Variants in MROH7 observed in about 807,000 individuals in gnomAD.
The protein encoded by MROH7 is maestro heat-like repeat-containing protein family member 7.
A neutral mutation model predicts 129.2 loss-of-function variants in MROH7; 113 were observed. The observed-to-expected ratio is 0.87, with a 90% CI of 0.75 to 1.02. MROH7 has a LOEUF of 1.02. Ranked by LOEUF, MROH7 falls within the 50% of genes least tolerant of loss-of-function variation. The pLI is 0.00. For missense variants in MROH7, 1,601 were observed against 1,671.3 expected (o/e 0.96, Z 0.73); for synonymous variants, 655 against 667.9 (o/e 0.98, Z 0.30).
intron 3 of MROH7, among the ~76,000 whole-genome samples, chr1:54,655,632 G>A (rs552051748): frequency 1.3e-5 from 2 of 151,566 alleles, no homozygotes; most frequent in Non-Finnish European, 2.9e-5. Context: ...CTCCCACCTC[G>A]TCCTCCCAGA....
At chr1:54,685,995 C>T (rs1645141049) in intron 14 of MROH7, among the ~76,000 whole-genome samples, 1 of 152,158 alleles carries the variant, frequency 6.6e-6, no homozygotes, top group African/African-American at 2.4e-5. Flanking sequence ...GATTCTTCCA[C>T]CATGATTCTT....
Position 54,670,537 on chromosome 1 carries a change from C to G in MROH7, c.1430C>G (p.Ser477Cys), listed in dbSNP as rs1274484494. The change falls in exon 6 of 24, where the codon TCC becomes TGC. Residue 477 changes from serine (S) to cysteine (C), a missense_variant. Transcript: ENST00000421030. ...GAGCCACTGGATTCTCTCTCAAGCT[C>G]CGTCCGCAAGCAGGCCATGGAGATC... Reference protein sequence around the residue: ...QEEPLDSLSSSVRKQAMEILT... With the variant: ...QEEPLDSLSSCVRKQAMEILT... 5.6e-6 allele frequency: 9 copies of G among 1,613,794 alleles called. No homozygotes were observed. The East Asian group carries it at 2.0e-4, about 36-fold the overall frequency.
rs150191046 is a variant in MROH7, at chr1:54,653,117, C to T, written c.191C>T (p.Ser64Phe). The T allele has an allele frequency of 1.2e-6, 2 of 1,614,186 alleles. No individual in the cohort carries two copies. The highest frequency in any genetic ancestry group is 3.3e-5 in the Admixed American group (2 of 60,016). ...GLALVPDLNDSLSPVSGEASG... is the reference protein window; with the variant it reads ...GLALVPDLNDFLSPVSGEASG... ...GCTCTCGTTCCAGATCTTAATGATT[C>T]TTTGAGTCCAGTCTCAGGGGAGGCC... The change falls in exon 3 of 24, where the codon TCT (serine) becomes TTT (phenylalanine). Residue 64 changes from serine (S) to phenylalanine (F), a missense_variant. Coordinates refer to ENST00000421030, the MANE Select transcript of MROH7 (RefSeq NM_001039464.4).
chr1:54,670,847 A>G lies in MROH7; in HGVS notation c.1517A>G (p.Asn506Ser). 1 of 1,613,978 alleles carries G rather than the reference A, an allele frequency of 6.2e-7. No homozygotes were observed. The change falls in exon 7 of 24, where the codon AAC (asparagine) becomes AGC (serine). Residue 506 changes from asparagine (N) to serine (S), a missense_variant. By Grantham distance (46) the Asn-to-Ser change is conservative. Transcript: ENST00000421030. ...LGMRERSELV[N>S]VCVHSVFSLP... ...ATGCGGGAGAGGTCGGAGCTGGTGA[A>G]CGTGTGTGTGCACAGCGTGTTCTCC...
chr1:54,687,864 TTTTC>T (rs200701529), intron 15 of MROH7, among the ~76,000 whole-genome samples: 3 of 142,672 alleles, frequency 2.1e-5, no homozygotes, highest in East Asian at 4.4e-4. Context: ...AGTTTGCTTT[TTTTC>T]TTTCTTTTTT....
At chr1:54,699,159 T>TTTTTCTTTC (rs1645384650) in intron 17 of MROH7, 2 of 65,920 alleles carry the variant, frequency 3.0e-5, no homozygotes, top group African/African-American at 1.1e-4. Context: ...TCTTTCTTTC[T>TTTTTCTTTC]TTTCTTTCTT....
chr1:54,679,873 GC>G lies in MROH7; in HGVS notation c.2227-14del. 2 of 1,598,894 alleles carry G rather than the reference GC, an allele frequency of 1.3e-6. No individual in the cohort carries two copies. The highest frequency in any genetic ancestry group is 8.5e-7 in the Non-Finnish European group (1 of 1,174,242). ...CTTGGCAGTCCCCTTGCTCATGGCT[GC>G]CCCGGCTGTGCCCCAGATCCCAGAA... On this transcript the variant is annotated splice_polypyrimidine_tract_variant and intron_variant, in intron 12 of 23. Coordinates refer to ENST00000421030, the MANE Select transcript of MROH7 (RefSeq NM_001039464.4).
At chr1:54,697,579 A>G in intron 17 of MROH7, 1 of 638,202 alleles carries the variant, frequency 1.6e-6, no homozygotes, top group Non-Finnish European at 2.9e-6. Context: ...GGAAACTACC[A>G]TTACTTACAG....
chr1:54,656,805 T>C (rs1055208169), intron 3 of MROH7, among the ~76,000 whole-genome samples: 1 of 152,090 alleles, frequency 6.6e-6, no homozygotes, highest in South Asian at 2.1e-4. Flanking sequence ...AGCGGGACTC[T>C]GTCTCAAAAA....
intron 7 of MROH7, 85 bp from the exon 8 acceptor site, chr1:54,673,006 C>A: frequency 1.1e-6 from 1 of 904,928 alleles, no homozygotes; most frequent in Non-Finnish European, 1.8e-6. Flanking sequence ...ATTCCCCCTC[C>A]TCCCCTGACC....
chr1:54,654,488 A>C (rs538265338), intron 3 of MROH7, among the ~76,000 whole-genome samples: 1 of 152,244 alleles, frequency 6.6e-6, no homozygotes, highest in East Asian at 1.9e-4. Flanking sequence ...CCTGGCCAAC[A>C]TGGTGAAACC....
At chr1:54,661,010 CTT>C (rs34137020) in intron 3 of MROH7, among the ~76,000 whole-genome samples, 73 of 117,348 alleles carry the variant, frequency 6.2e-4, no homozygotes, top group Admixed American at 6.8e-4. Flanking sequence ...ACGTTTTGTG[CTT>C]TTTTTTTTTT....
chr1:54,653,426 A>G lies in MROH7; in HGVS notation c.500A>G (p.Asn167Ser). ...AAGATTTTCAAGTTGGGTCAGAGAAACTCCAACCCTTCTAGGCATGAATTA... is the reference window on the plus strand; with the variant it reads ...AAGATTTTCAAGTTGGGTCAGAGAAGCTCCAACCCTTCTAGGCATGAATTA... ...SSKIFKLGQRNSNPSRHELNP... is the reference protein window; with the variant it reads ...SSKIFKLGQRSSNPSRHELNP... Residue 167 changes from asparagine to serine, a missense_variant, in exon 3 of 24, where the codon AAC becomes AGC. Coordinates refer to ENST00000421030, the MANE Select transcript of MROH7 (RefSeq NM_001039464.4). The G allele has an allele frequency of 2.5e-6, 4 of 1,614,042 alleles. No homozygotes were observed. Among genetic ancestry groups the G allele is most frequent in the Non-Finnish European group, 2.5e-6 (3 of 1,179,998 alleles).
At chr1:54,650,717 G>C (rs1431644100) in intron 1 of MROH7, among the ~76,000 whole-genome samples, 1 of 146,874 alleles carries the variant, frequency 6.8e-6, no homozygotes. Context: ...CATGTTGATC[G>C]CCATCCCGAT....
At chr1:54,657,618 C>T (rs1298007442) in intron 3 of MROH7, among the ~76,000 whole-genome samples, 2 of 152,126 alleles carry the variant, frequency 1.3e-5, no homozygotes, top group African/African-American at 4.8e-5. Flanking sequence ...TCAAATGATC[C>T]TCCTGCCTTG....
At position 54,670,927 on chromosome 1, in the gene MROH7, C is replaced by A. The variant is rs746123780; in HGVS notation, c.1597C>A (p.Gln533Lys). ...EKDEAKAETI[Q>K]ALYHQTLEAL... ...GGACGAGGCCAAGGCTGAGACCATC[C>A]AGGTGAGGCGGGACCTTCCCAGCAG... Residue 533 changes from glutamine (Q) to lysine (K), a missense_variant and splice_region_variant, in exon 7 of 24, where the codon CAG becomes AAG. Physicochemically the swap from Gln to Lys is moderately conservative, Grantham distance 53. Transcript: ENST00000421030. 1 of 1,600,024 alleles carries A rather than the reference C, an allele frequency of 6.2e-7. No individual in the cohort carries two copies. Among genetic ancestry groups the A allele is most frequent in the Non-Finnish European group, 8.5e-7 (1 of 1,173,748 alleles).
rs115492573 is a variant in MROH7, at chr1:54,686,275, C to T, written c.2538C>T (p.Cys846=). The change falls in exon 15 of 24, where the codon TGC becomes TGT. Residue 846 remains cysteine (C), a synonymous_variant. Transcript: ENST00000421030. ...IVPLAAASGL[C]ELLSVNSCMG... ...CCCCATAGGCAGCCAGCGGCCTGTG[C>T]GAGCTCCTGTCCGTCAACAGCTGCA... 1,505 of 1,613,440 alleles carry T rather than the reference C, an allele frequency of 9.3e-4. 15 individuals carry two copies. The African/African-American group carries it at 0.018, about 19-fold the overall frequency.
intron 13 of MROH7, among the ~76,000 whole-genome samples, chr1:54,680,844 C>A (rs780506559): frequency 1.3e-5 from 2 of 152,226 alleles, no homozygotes; most frequent in Non-Finnish European, 2.9e-5. Context: ...TGATGTCATT[C>A]ATAGGAACCA....
At chr1:54,667,936 G>T (rs950069228) in intron 4 of MROH7, among the ~76,000 whole-genome samples, 4 of 152,230 alleles carry the variant, frequency 2.6e-5, no homozygotes, top group African/African-American at 9.7e-5. Context: ...GGTGCTGGGG[G>T]CATTAGAATT....
Sources: gnomAD v4.1 joint callset for allele counts (sites outside exome capture counted in the v4.1 genomes callset) on GRCh38, gnomAD v4.1.1 for gene constraint, MANE v1.5 for transcripts, NCBI Gene and HGNC (gene_info 2026-07-23, HGNC 2026-07-21) for gene names.